Variants in BCAS3 observed in about 807,000 individuals in gnomAD.
The protein encoded by BCAS3 is BCAS4/BCAS3 fusion.
Under a neutral mutation model 116.1 loss-of-function variants are expected in BCAS3, and 53 were observed. The ratio of observed to expected loss-of-function variants is 0.46; its 90% CI spans 0.37 to 0.57. BCAS3 has a LOEUF of 0.57. Among genes scored for constraint, BCAS3 ranks in the 20% least tolerant of loss-of-function variants. The probability of loss-of-function intolerance (pLI) is 0.00; values close to 1 mark genes in which losing one functional copy is unlikely to be tolerated. For synonymous variants in BCAS3, 391 were observed against 408.2 expected, an observed-to-expected ratio of 0.96 and a Z score of 0.51; for missense variants, 917 against 1,165.4, an observed-to-expected ratio of 0.79 and a Z score of 3.10.
intron 13 of BCAS3, among the ~76,000 whole-genome samples, 179 bp downstream of exon 13, chr17:60,924,679 A>G (rs551723665): frequency 5.3e-5 from 8 of 152,190 alleles, no homozygotes; most frequent in Admixed American, 2.6e-4. Context: ...GTACCCCTCT[A>G]AAATCCCTCT....
At chr17:61,167,995 T>C (rs2078617869) in intron 22 of BCAS3, among the ~76,000 whole-genome samples, 1 of 152,228 alleles carries the variant, frequency 6.6e-6, no homozygotes, top group Non-Finnish European at 1.5e-5. Flanking sequence ...ACTTCTCTCC[T>C]CTTTGGTATC....
chr17:61,143,667 G>T (rs560719694), intron 22 of BCAS3, among the ~76,000 whole-genome samples: 1 of 152,142 alleles, frequency 6.6e-6, no homozygotes, highest in Non-Finnish European at 1.5e-5. Context: ...AAATTAGCCC[G>T]GCATGGTGGC....
At chr17:61,167,754 G>T (rs1568492197) in intron 22 of BCAS3, among the ~76,000 whole-genome samples, 1 of 152,182 alleles carries the variant, frequency 6.6e-6, no homozygotes, top group Non-Finnish European at 1.5e-5. Context: ...CAGGACTGGG[G>T]CTTCTTGTAG....
intron 13 of BCAS3, among the ~76,000 whole-genome samples, chr17:60,932,130 G>A (rs905063080): frequency 1.3e-5 from 2 of 151,990 alleles, no homozygotes; most frequent in Admixed American, 1.3e-4. Flanking sequence ...ATAGATATTA[G>A]TTGTTTCTGT....
At chr17:60,953,805 C>G (rs1345753236) in intron 14 of BCAS3, among the ~76,000 whole-genome samples, 1 of 150,150 alleles carries the variant, frequency 6.7e-6, no homozygotes, top group Non-Finnish European at 1.5e-5. Flanking sequence ...GTGATCTCTG[C>G]TCACTGCAAC....
chr17:61,129,479 AATG>A (rs1792180545), intron 22 of BCAS3, among the ~76,000 whole-genome samples: 1 of 152,226 alleles, frequency 6.6e-6, no homozygotes, highest in East Asian at 1.9e-4. Flanking sequence ...GACGTTTTAT[AATG>A]ATAAGTTTTG....
chr17:61,186,606 A>G lies in BCAS3; in HGVS notation c.2425+102042A>G, dbSNP rs12942218. ...GTCTTCATATTATTTTAAATTTTCA[A>G]TCGGTTCAAAATTCAAAACATAAAA... On this transcript the variant is annotated intron_variant, in intron 22 of 23. Coordinates refer to ENST00000407086, the MANE Select transcript of BCAS3 (RefSeq NM_017679.5). The surrounding 1 kb of genome is among the most constrained non-coding windows in gnomAD (Gnocchi z 4.9). Among the ~76,000 whole-genome samples, 1,197 of 152,200 alleles carry G rather than the reference A, an allele frequency of 7.9e-3. 10 individuals are homozygous for G. The highest frequency in any genetic ancestry group is 0.013 in the Non-Finnish European group (883 of 68,016).
At chr17:60,874,585 A>C in intron 8 of BCAS3, 77 bp from the exon 9 acceptor site, 1 of 959,474 alleles carries the variant, frequency 1.0e-6, no homozygotes. Context: ...TAGATGATAT[A>C]ATGCATTTCT....
chr17:60,839,626 CTTAA>C (rs926341603), intron 7 of BCAS3, among the ~76,000 whole-genome samples: 25 of 152,122 alleles, frequency 1.6e-4, no homozygotes, highest in African/African-American at 5.3e-4. Flanking sequence ...TTTTTAATTA[CTTAA>C]TTAAAAACAA....
At chr17:60,845,460 A>T (rs1402221158) in intron 7 of BCAS3, among the ~76,000 whole-genome samples, 6 of 152,228 alleles carry the variant, frequency 3.9e-5, no homozygotes, top group African/African-American at 1.4e-4. Flanking sequence ...ACCACAAGGG[A>T]TAAATTCCCA....
Position 61,156,171 on chromosome 17 carries a change from TAAA to T in BCAS3, c.2425+71619_2425+71621del, listed in dbSNP as rs57589505. The stretch of plus-strand genomic sequence containing the variant: ...GAGAAAGACAGTCAGCCAGACACAT[TAAA>T]AAAAAAAAAAAGAAAAGTAAAATCT... On this transcript the variant is annotated intron_variant, in intron 22 of 23. Coordinates refer to ENST00000407086, the MANE Select transcript of BCAS3 (RefSeq NM_017679.5). This position sits in a 1 kb window ranked among gnomAD's most constrained non-coding sequence, Gnocchi z 4.7. Among the ~76,000 whole-genome samples, 5 of 140,942 alleles carry T rather than the reference TAAA, an allele frequency of 3.5e-5. No individual in the cohort carries two copies. The highest frequency in any genetic ancestry group is 3.1e-5 in the Non-Finnish European group (2 of 64,304). The allele number at this position is 140,942 out of a possible 152,430, so 92.5% of individuals were successfully genotyped here. A position where few individuals can be genotyped will look rare whatever the true frequency, so the allele number is the denominator to read the frequency against.
intron 14 of BCAS3, among the ~76,000 whole-genome samples, chr17:60,965,226 ATTT>A (rs142254431): frequency 7.6e-5 from 10 of 131,552 alleles, no homozygotes; most frequent in African/African-American, 2.3e-4. Context: ...GGTATATTGA[ATTT>A]TTTTTTTTTT....
rs2057716114 is a variant in BCAS3 at position 61,349,678 on chromosome 17, T to C, written c.2426-18649T>C. Among the ~76,000 whole-genome samples the C allele has an allele frequency of 6.6e-6, 1 of 152,188 alleles. No individual in the cohort carries two copies. Among genetic ancestry groups the C allele is most frequent in the African/African-American group, 2.4e-5 (1 of 41,450 alleles). Reference sequence around the variant, plus strand: ...TTAAAGAAGTGTGGAAGAGGTACCATATGTAGACAAAGAAGACGTTTTTGG... The same window carrying C: ...TTAAAGAAGTGTGGAAGAGGTACCACATGTAGACAAAGAAGACGTTTTTGG... On this transcript the variant is annotated intron_variant, in intron 22 of 23. Coordinates refer to ENST00000407086, the MANE Select transcript of BCAS3 (RefSeq NM_017679.5). This position sits in a 1 kb window ranked among gnomAD's most constrained non-coding sequence, Gnocchi z 4.7.
chr17:61,054,871 T>G (rs1267975891), intron 19 of BCAS3, among the ~76,000 whole-genome samples: 1 of 152,254 alleles, frequency 6.6e-6, no homozygotes, highest in Non-Finnish European at 1.5e-5. Context: ...GCTAGTCATA[T>G]TTATTGCACT....
intron 22 of BCAS3, among the ~76,000 whole-genome samples, chr17:61,093,346 G>A (rs2073751070): frequency 6.6e-6 from 1 of 152,114 alleles, no homozygotes; most frequent in Non-Finnish European, 1.5e-5. Flanking sequence ...TCCCACCTTG[G>A]GAGGCCCAAG....
intron 6 of BCAS3, among the ~76,000 whole-genome samples, chr17:60,795,722 C>CTG (rs761818384): frequency 1.7e-4 from 26 of 152,226 alleles, no homozygotes; most frequent in Admixed American, 6.5e-4. Context: ...CGGAGTCTCG[C>CTG]TGTGTTGCCC....
intron 7 of BCAS3, among the ~76,000 whole-genome samples, chr17:60,814,397 A>G (rs1446346534): frequency 6.7e-6 from 1 of 149,624 alleles, no homozygotes; most frequent in African/African-American, 2.5e-5. Flanking sequence ...TGATTTTACT[A>G]CCTTTATTTT....
chr17:60,945,815 A>G (rs1330371672), intron 13 of BCAS3, among the ~76,000 whole-genome samples: 7 of 150,824 alleles, frequency 4.6e-5, no homozygotes, highest in Non-Finnish European at 1.0e-4. Context: ...TAATAATAAT[A>G]ACAATAAATA....
chr17:61,141,131 C>T lies in BCAS3; in HGVS notation c.2425+56567C>T, dbSNP rs1324767216. On this transcript the variant is annotated intron_variant, in intron 22 of 23. Transcript: ENST00000407086. This position sits in a 1 kb window ranked among gnomAD's most constrained non-coding sequence, Gnocchi z 4.3. The stretch of plus-strand genomic sequence containing the variant: ...TCCTCTGTTGCCCTAAGAACTTACA[C>T]CTACTGGTTCATAAATGGTCATAAA... Among the ~76,000 whole-genome samples the T allele has an allele frequency of 1.3e-5, 2 of 152,058 alleles. No homozygotes were observed. Among genetic ancestry groups the T allele is most frequent in the African/African-American group, 4.8e-5 (2 of 41,384 alleles).
Sources: allele counts gnomAD v4.1 joint callset (sites outside exome capture counted in the v4.1 genomes callset), GRCh38; gene constraint gnomAD v4.1.1; non-coding constraint Gnocchi (gnomAD v3.1); transcripts MANE v1.5; gene names NCBI Gene and HGNC (gene_info 2026-07-23, HGNC 2026-07-21).